The following CIITA variants were observed in gnomAD, a reference collection of about 807,000 sequenced individuals.
The protein encoded by CIITA is MHC class II transactivator.
Under a neutral mutation model 115.1 loss-of-function variants are expected in CIITA, and 72 were observed. The observed-to-expected ratio is 0.63, with a 90% CI of 0.52 to 0.76. The LOEUF is 0.76. CIITA is among the 30% of genes least tolerant of loss of function. The pLI is 0.00. For missense variants in CIITA, 1,617 were observed against 1,463.8 expected (o/e 1.10, Z -1.71); for synonymous variants, 763 against 635.6 (o/e 1.20, Z -3.02).
rs769100548 is a variant in CIITA at position 10,906,569 on chromosome 16, C to G, written c.1077C>G (p.Ile359Met). Residue 359 changes from isoleucine (I) to methionine (M), a missense_variant, in exon 11 of 20, where the codon ATC (isoleucine) becomes ATG (methionine). Coordinates refer to ENST00000324288, the MANE Select transcript of CIITA (RefSeq NM_000246.4). ...CCGAGCCCGCAGGCCCGGATGGCAT[C>G]CTAGTGGAGGTGGATCTGGTGCAGG... ...YGAEPAGPDG[I>M]LVEVDLVQAR... 6.2e-7 allele frequency: 1 copy of G among 1,613,452 alleles called. No homozygotes were observed. The highest frequency in any genetic ancestry group is 8.5e-7 in the Non-Finnish European group (1 of 1,180,028).
At chr16:10,908,377 GC>G in intron 11 of CIITA, 1 of 675,462 alleles carries the variant, frequency 1.5e-6, no homozygotes, top group East Asian at 2.8e-5. Flanking sequence ...ATATTTGAAG[GC>G]CCGCCATGTG....
chr16:10,915,173 C>G, intron 13 of CIITA: 1 of 403,292 alleles, frequency 2.5e-6, no homozygotes, highest in South Asian at 1.9e-5. Context: ...ACCTCAGCCT[C>G]CTAAGAAGCT....
chr16:10,929,219 C>T lies in CIITA; in HGVS notation c.*5364C>T, dbSNP rs958437097. ...GCTGGCCTGAAGGCTCAACTCACAT[C>T]AAACGGAGCTGGGAGTCGCTTTTGC... is the stretch of plus-strand genomic sequence containing the variant. On this transcript the variant is annotated 3_prime_UTR_variant, in exon 20 of 20. Coordinates refer to ENST00000324288, the MANE Select transcript of CIITA (RefSeq NM_000246.4). This position sits in a 1 kb window ranked among gnomAD's most constrained non-coding sequence, Gnocchi z 4.3. 7 of 985,762 alleles carry T rather than the reference C, an allele frequency of 7.1e-6. No individual in the cohort carries two copies. Among genetic ancestry groups the T allele is most frequent in the Non-Finnish European group, 8.4e-6 (7 of 829,954 alleles). 61.1% of individuals were successfully genotyped at this position (985,762 alleles called of 1,614,324 possible). A position where few individuals can be genotyped will look rare whatever the true frequency, so the allele number is the denominator to read the frequency against.
At chr16:10,940,313 G>A (rs2145441290), downstream of CIITA, 1 of 152,336 alleles carries the variant, frequency 6.6e-6, no homozygotes, top group African/African-American at 2.4e-5. This position sits in a 1 kb window ranked among gnomAD's most constrained non-coding sequence, Gnocchi z 4.2. Context: ...TATAAGAACA[G>A]TAAGAGATAA....
Position 10,907,759 on chromosome 16 carries a change from G to A in CIITA, c.2267G>A (p.Arg756His), listed in dbSNP as rs1248790122. The change falls in exon 11 of 20, where the codon CGC becomes CAC. Residue 756 changes from arginine to histidine, a missense_variant. By Grantham distance (29) the Arg-to-His change is conservative. Coordinates refer to ENST00000324288, the MANE Select transcript of CIITA (RefSeq NM_000246.4). The surrounding 1 kb of genome is among the most constrained non-coding windows in gnomAD (Gnocchi z 5.0). ...GACAACTGGCTGGAGGGCGTGCCAC[G>A]CTTTCTGGCTGGGCTGATCTTCCAG... is the stretch of plus-strand genomic sequence containing the variant. ...PYDNWLEGVP[R>H]FLAGLIFQPP... 4 of 1,614,106 alleles carry A rather than the reference G, an allele frequency of 2.5e-6. No individual in the cohort carries two copies. The highest frequency in any genetic ancestry group is 1.3e-5 in the African/African-American group (1 of 74,942).
intron 1 of CIITA, among the ~76,000 whole-genome samples, chr16:10,883,818 G>A (rs979169076): frequency 6.6e-6 from 1 of 152,176 alleles, no homozygotes; most frequent in African/African-American, 2.4e-5. Context: ...GAGGTGCAAT[G>A]CAGTCACAAC....
intron 8 of CIITA, 145 bp downstream of exon 8, chr16:10,902,946 C>T: frequency 9.7e-7 from 1 of 1,029,478 alleles, no homozygotes; most frequent in Non-Finnish European, 1.4e-6. Flanking sequence ...TTTCTCTGTC[C>T]CTATTTCCCA....
At chr16:10,902,231 G>GGA in intron 7 of CIITA, 47 bp downstream of exon 7, 1 of 1,611,366 alleles carries the variant, frequency 6.2e-7, no homozygotes, top group East Asian at 2.2e-5. Flanking sequence ...CTCTTGGGAG[G>GGA]TGGATAAGGA....
upstream of CIITA, among the ~76,000 whole-genome samples, chr16:10,873,685 C>T (rs1198153647): frequency 6.6e-6 from 1 of 152,166 alleles, no homozygotes; most frequent in East Asian, 1.9e-4. Context: ...CTGTTCTTTA[C>T]TTGGAAGACC....
At chr16:10,921,146 C>T (rs537935046) in intron 16 of CIITA, among the ~76,000 whole-genome samples, 27 of 152,318 alleles carry the variant, frequency 1.8e-4, no homozygotes, top group African/African-American at 6.5e-4. Flanking sequence ...GGATTACAGG[C>T]GTGAGCCACT....
At chr16:10,890,571 T>C (rs1567380118) in intron 1 of CIITA, among the ~76,000 whole-genome samples, 1 of 152,206 alleles carries the variant, frequency 6.6e-6, no homozygotes, top group African/African-American at 2.4e-5. Flanking sequence ...TCTACAGATG[T>C]GAGCCACCAT....
downstream of CIITA, chr16:10,941,370 G>A: frequency 3.7e-6 from 1 of 273,928 alleles, no homozygotes; most frequent in Non-Finnish European, 6.2e-6. The surrounding 1 kb of genome is among the most constrained non-coding windows in gnomAD (Gnocchi z 6.4). Flanking sequence ...TTCACCAGCT[G>A]TCCCCTTTGC....
chr16:10,900,844 G>A (rs1424855815), intron 5 of CIITA, among the ~76,000 whole-genome samples: 1 of 151,992 alleles, frequency 6.6e-6, no homozygotes, highest in Admixed American at 6.6e-5. Flanking sequence ...ATTAATGTTG[G>A]GTTTTATTCA....
In CIITA at chr16:10,909,110, G is replaced by C; in HGVS notation, c.2739G>C (p.Glu913Asp). ...CCAAGCTACTTCAGGCAGCAGAGGA[G>C]AAGTTCACCATCGAGCCTTTCAAAG... ...GETKLLQAAE[E>D]KFTIEPFKAK... Residue 913 changes from glutamate (E) to aspartate (D), a missense_variant, in exon 12 of 20, where the codon GAG becomes GAC. Transcript: ENST00000324288. 2 of 1,614,226 alleles carry C rather than the reference G, an allele frequency of 1.2e-6. No individual in the cohort carries two copies. Among genetic ancestry groups the C allele is most frequent in the South Asian group, 2.2e-5 (2 of 91,080 alleles).
chr16:10,907,513 C>T lies in CIITA; in HGVS notation c.2021C>T (p.Thr674Ile). The T allele has an allele frequency of 6.2e-7, 1 of 1,614,066 alleles. No homozygotes were observed. The highest frequency in any genetic ancestry group is 2.2e-5 in the East Asian group (1 of 44,860). ...GAGCTGGGCCGCAGACATCAAAGTA[C>T]CCTACAGGAGGACCAGTTCCCATCC... The part of the protein sequence containing the change: ...AWELGRRHQS[T>I]LQEDQFPSAD... Residue 674 changes from threonine to isoleucine, a missense_variant, in exon 11 of 20, where the codon ACC becomes ATC. Thr to Ile is a moderately conservative substitution (Grantham distance 89). Coordinates refer to ENST00000324288, the MANE Select transcript of CIITA (RefSeq NM_000246.4). This position sits in a 1 kb window ranked among gnomAD's most constrained non-coding sequence, Gnocchi z 5.0.
At chr16:10,917,280 A>G (rs1468457666) in intron 15 of CIITA, among the ~76,000 whole-genome samples, 7 of 151,784 alleles carry the variant, frequency 4.6e-5, no homozygotes, top group African/African-American at 1.7e-4. Context: ...GGCTCAAGCA[A>G]TCCTCCCATC....
At chr16:10,900,613 A>ACG (rs2038637013) in intron 5 of CIITA, among the ~76,000 whole-genome samples, 1 of 151,828 alleles carries the variant, frequency 6.6e-6, no homozygotes, top group Non-Finnish European at 1.5e-5. Context: ...GGTGGCGAAC[A>ACG]CCTGTAATCC....
rs2036203894 is a variant in CIITA at position 10,879,550 on chromosome 16, T to C, written c.52+2168T>C. ...CGGGGGGCCCTGCTCAGGGAGGCAG[T>C]AGGGAGCCAAACCTTTAACCAGAGG... On this transcript the variant is annotated intron_variant, in intron 1 of 19. Transcript: ENST00000324288. The surrounding 1 kb of genome is among the most constrained non-coding windows in gnomAD (Gnocchi z 4.3). 6.6e-6 allele frequency among the ~76,000 whole-genome samples: 1 copy of C among 151,180 alleles called. No homozygotes were observed. Among genetic ancestry groups the C allele is most frequent in the Admixed American group, 6.6e-5 (1 of 15,094 alleles).
chr16:10,878,048 A>G (rs1245468733), intron 1 of CIITA, among the ~76,000 whole-genome samples: 2 of 152,126 alleles, frequency 1.3e-5, no homozygotes, highest in Non-Finnish European at 2.9e-5. Context: ...GGAGTGTACA[A>G]TGGACCTGTG....
Sources: gnomAD v4.1 joint callset for allele counts (sites outside exome capture counted in the v4.1 genomes callset) on GRCh38, gnomAD v4.1.1 for gene constraint, Gnocchi (gnomAD v3.1) non-coding constraint, MANE v1.5 for transcripts, NCBI Gene and HGNC (gene_info 2026-07-23, HGNC 2026-07-21) for gene names.